TIMELESS: variants seen among roughly 807,000 people sequenced by gnomAD.
TIMELESS encodes protein timeless homolog.
TIMELESS carries 124 observed loss-of-function variants against 164.3 expected under a neutral mutation model. That is an observed-to-expected ratio of 0.75 (90% CI 0.65 to 0.88). The LOEUF (loss-of-function observed/expected upper bound fraction) is 0.88, where lower values mean the gene tolerates loss of function less well. Among genes scored for constraint, TIMELESS ranks in the 40% least tolerant of loss-of-function variants. TIMELESS has a pLI of 0.00. For missense variants in TIMELESS, 1,422 were observed against 1,491.4 expected (o/e 0.95, Z 0.77); for synonymous variants, 564 against 563.4 (o/e 1.00, Z -0.02).
chr12:56,435,679 G>A (rs937870297), intron 1 of TIMELESS, among the ~76,000 whole-genome samples: 24 of 152,202 alleles, frequency 1.6e-4, no homozygotes, highest in Admixed American at 1.2e-3. Flanking sequence ...CTGGGCGTTG[G>A]CCGGGCACGG....
At position 56,430,226 on chromosome 12, in the gene TIMELESS, C is replaced by A; in HGVS notation, c.965G>T (p.Arg322Leu). Residue 322 changes from arginine (R) to leucine (L), a missense_variant, in exon 10 of 29, where the codon CGC becomes CTC. Physicochemically the swap from Arg to Leu is moderately radical, Grantham distance 102. Transcript: ENST00000553532. ...AATGGACAGCTCTCGGGCGGCCTGG[C>A]GACGTTTAGGCACCTTTTTCGGCTG... is the stretch of plus-strand genomic sequence containing the variant. ...GKQPKKVPKR[R>L]QAARELSIQR... is the part of the protein sequence containing the mutation. 1.9e-6 allele frequency: 3 copies of A among 1,613,934 alleles called. No homozygotes were observed. In the South Asian group the frequency reaches 3.3e-5, roughly 18 times the overall value.
At chr12:56,446,344 C>T (rs1487288844) in intron 1 of TIMELESS, among the ~76,000 whole-genome samples, 1 of 152,188 alleles carries the variant, frequency 6.6e-6, no homozygotes, top group Non-Finnish European at 1.5e-5. Flanking sequence ...AAATATTTGT[C>T]TTTCCCTTTG....
intron 7 of TIMELESS, 90 bp downstream of exon 7, chr12:56,432,279 T>G: frequency 6.9e-7 from 1 of 1,454,132 alleles, no homozygotes; most frequent in Non-Finnish European, 9.3e-7. Flanking sequence ...CTTCCCCAGA[T>G]AATGCAGCCA....
chr12:56,418,191 C>T lies in TIMELESS; in HGVS notation c.3397G>A (p.Ala1133Thr). 1 of 1,614,230 alleles carries T rather than the reference C, an allele frequency of 6.2e-7. No individual in the cohort carries two copies. Reference sequence around the variant, plus strand: ...TGGGCTAGCAAGAGGGCCCTCAGGGCTTGTGCTCGGTGCTCTTTACAGTGC... The same window carrying T: ...TGGGCTAGCAAGAGGGCCCTCAGGGTTTGTGCTCGGTGCTCTTTACAGTGC... ...EEHCKEHRAQ[A>T]LRALLLAHKK... is the part of the protein sequence containing the mutation. The change falls in exon 27 of 29, where the codon GCC (alanine) becomes ACC (threonine). Residue 1133 changes from alanine (A) to threonine (T), a missense_variant. Physicochemically the swap from Ala to Thr is moderately conservative, Grantham distance 58 (BLOSUM62 0). Coordinates refer to ENST00000553532, the MANE Select transcript of TIMELESS (RefSeq NM_003920.5).
At position 56,434,152 on chromosome 12, in the gene TIMELESS, T is replaced by G; in HGVS notation, c.19A>C (p.Asn7His). MDLHMM[N>H]CELLATCSAL... ...CTACATGTGGCTAGAAGTTCACAGT[T>G]CATCATGTGCAAGTCCATACATCAG... Residue 7 changes from asparagine (N) to histidine (H), a missense_variant, in exon 2 of 29, where the codon AAC becomes CAC. Transcript: ENST00000553532. 6.2e-7 allele frequency: 1 copy of G among 1,614,160 alleles called. No individual in the cohort carries two copies. Among genetic ancestry groups the G allele is most frequent in the Non-Finnish European group, 8.5e-7 (1 of 1,180,012 alleles).
chr12:56,448,209 C>T lies in TIMELESS; in HGVS notation c.-62+1101G>A, dbSNP rs1868410179. On this transcript the variant is annotated intron_variant, in intron 1 of 28. Transcript: ENST00000553532. Reference sequence around the variant, plus strand: ...TCATTTGAGGTCAGGAGTTCGAGACCGGCCTGGCCAACATGGTGAAACCCC... The same window carrying T: ...TCATTTGAGGTCAGGAGTTCGAGACTGGCCTGGCCAACATGGTGAAACCCC... Among the ~76,000 whole-genome samples the T allele has an allele frequency of 5.4e-5, 8 of 149,122 alleles. 1 individual carries two copies. The highest frequency in any genetic ancestry group is 4.3e-4 in the South Asian group (2 of 4,688).
chr12:56,442,546 A>AT (rs759939114), intron 1 of TIMELESS, among the ~76,000 whole-genome samples: 17 of 152,202 alleles, frequency 1.1e-4, no homozygotes, highest in Non-Finnish European at 1.9e-4. Context: ...CTGTATCACT[A>AT]TATACATCAG....
chr12:56,422,032 A>T lies in TIMELESS; in HGVS notation c.2525-16T>A. The T allele has an allele frequency of 6.2e-7, 1 of 1,614,036 alleles. No homozygotes were observed. The highest frequency in any genetic ancestry group is 8.5e-7 in the Non-Finnish European group (1 of 1,179,924). The stretch of plus-strand genomic sequence containing the variant: ...ACATCCTGCCCTGGCGTGGGGAAGG[A>T]CTAAGGCAGTAAAGAAGGTCCCACA... On this transcript the variant is annotated splice_polypyrimidine_tract_variant and intron_variant, in intron 20 of 28. Coordinates refer to ENST00000553532, the MANE Select transcript of TIMELESS (RefSeq NM_003920.5).
chr12:56,437,415 T>C (rs1882107527), intron 1 of TIMELESS, among the ~76,000 whole-genome samples: 1 of 123,744 alleles, frequency 8.1e-6, no homozygotes, highest in South Asian at 2.7e-4. Flanking sequence ...CAAAATGATT[T>C]TATAGCTTTT....
rs891931066 is a variant in TIMELESS, at chr12:56,416,656, T to C, written c.*1060A>G. 6.6e-6 allele frequency: 1 copy of C among 152,024 alleles called. No individual in the cohort carries two copies. The highest frequency in any genetic ancestry group is 1.5e-5 in the Non-Finnish European group (1 of 67,990). 9.4% of individuals were successfully genotyped at this position (152,024 alleles called of 1,614,324 possible). On this transcript the variant is annotated 3_prime_UTR_variant, in exon 29 of 29. Transcript: ENST00000553532. The stretch of plus-strand genomic sequence containing the variant: ...AGAATTTACCCTAGACAAAAGGATC[T>C]AGAGGCAAAAATGCTTTTCTGTGTC...
rs942935537 is a variant in TIMELESS at position 56,435,937 on chromosome 12, C to G, written c.-61-1706G>C. On this transcript the variant is annotated intron_variant, in intron 1 of 28. Transcript: ENST00000553532. ...TTGTACCACTGCACTCCAGCCTGGG[C>G]GACAGAGCGAGACTCCGTCTTAAAA... Among the ~76,000 whole-genome samples, 19 of 139,028 alleles carry G rather than the reference C, an allele frequency of 1.4e-4. 1 individual carries two copies. Among genetic ancestry groups the G allele is most frequent in the Non-Finnish European group, 3.0e-5 (2 of 66,134 alleles). The allele number at this position is 139,028 out of a possible 152,430, so 91.2% of individuals were successfully genotyped here. A position where few individuals can be genotyped will look rare whatever the true frequency, so the allele number is the denominator to read the frequency against.
chr12:56,427,887 C>T (rs1881727408), intron 13 of TIMELESS, among the ~76,000 whole-genome samples: 1 of 152,186 alleles, frequency 6.6e-6, no homozygotes, highest in Admixed American at 6.5e-5. Context: ...CAATTTAAGG[C>T]TCTTTCCACC....
At position 56,420,872 on chromosome 12, in the gene TIMELESS, A is replaced by C. The variant is rs61376834; in HGVS notation, c.3050T>G (p.Ile1017Ser). 11 of 1,614,122 alleles carry C rather than the reference A, an allele frequency of 6.8e-6. No homozygotes were observed. In the South Asian group the frequency reaches 1.2e-4, roughly 18 times the overall value. The change falls in exon 25 of 29, where the codon ATC (isoleucine) becomes AGC (serine). Residue 1017 changes from isoleucine (I) to serine (S), a missense_variant. Ile to Ser is a moderately radical substitution (Grantham distance 142). Coordinates refer to ENST00000553532, the MANE Select transcript of TIMELESS (RefSeq NM_003920.5). ...GQSLHQEGFS[I>S]PLLWLQNCLI... is the part of the protein sequence containing the mutation. Reference sequence around the variant, plus strand: ...GCAGTTCTGGAGCCATAGGAGCGGGATAGAAAAGCCTAAGGAAATGAGGGA... The same window carrying C: ...GCAGTTCTGGAGCCATAGGAGCGGGCTAGAAAAGCCTAAGGAAATGAGGGA...
Position 56,420,534 on chromosome 12 carries a change from C to T in TIMELESS, c.3228+35G>A, listed in dbSNP as rs370913455. 3.6e-4 allele frequency: 570 copies of T among 1,573,476 alleles called. 2 individuals are homozygous for T. The Middle Eastern group carries it at 4.2e-3, about 12-fold the overall frequency. On this transcript the variant is annotated intron_variant, in intron 26 of 28. Coordinates refer to ENST00000553532, the MANE Select transcript of TIMELESS (RefSeq NM_003920.5). ...GAGATGTATTTGGAAATAGGACTAA[C>T]ACGCCTTGGTTGACACTGTAACTGA...
At position 56,423,710 on chromosome 12, in the gene TIMELESS, A is replaced by G. The variant is rs763955563; in HGVS notation, c.1967-3T>C. 1 of 1,613,962 alleles carries G rather than the reference A, an allele frequency of 6.2e-7. No homozygotes were observed. Among genetic ancestry groups the G allele is most frequent in the Non-Finnish European group, 8.5e-7 (1 of 1,179,964 alleles). On this transcript the variant is annotated splice_region_variant and splice_polypyrimidine_tract_variant and intron_variant, in intron 16 of 28. Coordinates refer to ENST00000553532, the MANE Select transcript of TIMELESS (RefSeq NM_003920.5). ...ACGTTCCTCTGGGCCCTGCTGCCCT[A>G]TAGACAGAGGGAGGATTACTGAGTC...
rs768742188 is a variant in TIMELESS at position 56,433,013 on chromosome 12, C to A, written c.531+13G>T. The A allele has an allele frequency of 5.6e-6, 9 of 1,597,540 alleles. No homozygotes were observed. The highest frequency in any genetic ancestry group is 6.9e-6 in the Non-Finnish European group (8 of 1,166,116). Reference sequence around the variant, plus strand: ...AACCATGCACAAGAACACAGAACACCCAAGACCCTCACCTTCTCCTGATCA... The same window carrying A: ...AACCATGCACAAGAACACAGAACACACAAGACCCTCACCTTCTCCTGATCA... On this transcript the variant is annotated intron_variant, in intron 6 of 28. Transcript: ENST00000553532.
intron 5 of TIMELESS, 52 bp from the exon 6 acceptor site, chr12:56,433,179 T>G (rs1192402644): frequency 6.4e-7 from 1 of 1,573,906 alleles, no homozygotes; most frequent in Admixed American, 1.7e-5. Context: ...GCAGGCAGTA[T>G]GTACTCTGGC....
intron 1 of TIMELESS, among the ~76,000 whole-genome samples, chr12:56,434,795 T>C (rs1389410410): frequency 6.6e-6 from 1 of 152,130 alleles, no homozygotes; most frequent in Non-Finnish European, 1.5e-5. Context: ...CTCATGCCTA[T>C]AATCTCAGCA....
intron 1 of TIMELESS, among the ~76,000 whole-genome samples, chr12:56,448,858 AAGGG>A (rs1011887222): frequency 2.0e-5 from 3 of 152,258 alleles, no homozygotes; most frequent in African/African-American, 4.8e-5. Context: ...CAAGGCAACG[AAGGG>A]AGGGAGTGAG....
Sources: allele counts gnomAD v4.1 joint callset (sites outside exome capture counted in the v4.1 genomes callset), GRCh38; gene constraint gnomAD v4.1.1; transcripts MANE v1.5; gene names NCBI Gene and HGNC (gene_info 2026-07-23, HGNC 2026-07-21).